Variants in DCAF8L2 observed in about 807,000 individuals in gnomAD.
The protein encoded by DCAF8L2 is DDB1 and CUL4 associated factor 8 like 2, also known as DDB1- and CUL4-associated factor 8-like protein 2.
For missense variants in DCAF8L2, 430 were observed against 490.7 expected (o/e 0.88, Z 1.17); for synonymous variants, 200 against 190.9 (o/e 1.05, Z -0.39).
At chrX:27,739,362 T>G (rs1921725011) in intron 4 of DCAF8L2, among the ~76,000 whole-genome samples, 1 of 111,892 alleles carries the variant, frequency 8.9e-6, no homozygotes, top group African/African-American at 3.3e-5. Context: ...TTGGCAATAT[T>G]TGGCACAGTC....
the DCAF8L2 span, among the ~76,000 whole-genome samples, chrX:27,565,860 G>C: frequency 9.0e-6 from 1 of 110,666 alleles, no homozygotes; most frequent in Non-Finnish European, 1.9e-5. Context: ...GACTTGGTGG[G>C]GCCGGGGGAT....
intron 3 of DCAF8L2, among the ~76,000 whole-genome samples, chrX:27,707,208 C>A (rs1931373067): frequency 9.0e-6 from 1 of 110,796 alleles, no homozygotes; most frequent in African/African-American, 3.3e-5. Context: ...GTGGTGATGG[C>A]TGCACAACTC....
chrX:27,696,627 A>G (rs1222479605), intron 3 of DCAF8L2, among the ~76,000 whole-genome samples: 1 of 112,341 alleles, frequency 8.9e-6, no homozygotes, highest in Admixed American at 9.5e-5. Context: ...AATTTAAGGC[A>G]TATAAACGTG....
chrX:27,575,122 A>G, the DCAF8L2 span, among the ~76,000 whole-genome samples: 190 of 111,563 alleles, frequency 1.7e-3, no homozygotes, highest in African/African-American at 5.8e-3. Flanking sequence ...GGGGCACTCG[A>G]CGGCCCCGGC....
At chrX:27,514,756 A>T in the DCAF8L2 span, among the ~76,000 whole-genome samples, 7 of 108,724 alleles carry the variant, frequency 6.4e-5, no homozygotes, top group African/African-American at 2.4e-4. Flanking sequence ...ACAATGGAGG[A>T]CATTACGTGA....
intron 1 of DCAF8L2, among the ~76,000 whole-genome samples, chrX:27,598,360 C>T (rs1225911350): frequency 9.0e-6 from 1 of 111,555 alleles, no homozygotes; most frequent in Non-Finnish European, 1.9e-5. Flanking sequence ...CCCCACCCAA[C>T]CCCCCCGAGG....
At chrX:27,563,746 A>G in the DCAF8L2 span, among the ~76,000 whole-genome samples, 1 of 112,519 alleles carries the variant, frequency 8.9e-6, no homozygotes, top group Non-Finnish European at 1.9e-5. Flanking sequence ...GACTTAATAC[A>G]AAGTAGTTTT....
intron 2 of DCAF8L2, among the ~76,000 whole-genome samples, chrX:27,670,846 A>G (rs1929928371): frequency 9.0e-6 from 1 of 111,315 alleles, no homozygotes; most frequent in Non-Finnish European, 1.9e-5. Context: ...CTCTGACATC[A>G]CTTCCCTTCC....
the DCAF8L2 span, among the ~76,000 whole-genome samples, chrX:27,514,313 A>ACACATATGTACC: frequency 1.4e-5 from 1 of 73,427 alleles, no homozygotes; most frequent in African/African-American, 7.0e-5. Flanking sequence ...ACATATGTGT[A>ACACATATGTACC]TATGGTAATT....
the DCAF8L2 span, among the ~76,000 whole-genome samples, chrX:27,535,127 C>T: frequency 8.9e-6 from 1 of 111,775 alleles, no homozygotes; most frequent in African/African-American, 3.3e-5. Context: ...GGCACTGGGA[C>T]TAGAGCGGTG....
the DCAF8L2 span, among the ~76,000 whole-genome samples, chrX:27,496,357 A>G: frequency 1.3e-4 from 14 of 111,937 alleles, no homozygotes; most frequent in Admixed American, 2.9e-4. Flanking sequence ...AACTTTTAGA[A>G]ATTATGTCGT....
the DCAF8L2 span, among the ~76,000 whole-genome samples, chrX:27,528,790 G>A: frequency 9.0e-6 from 1 of 110,692 alleles, no homozygotes; most frequent in Non-Finnish European, 1.9e-5. Flanking sequence ...AATAAACTGA[G>A]CGTCATTCAG....
chrX:27,625,706 C>A (rs1927976755), intron 1 of DCAF8L2, among the ~76,000 whole-genome samples: 1 of 111,743 alleles, frequency 8.9e-6, no homozygotes, highest in African/African-American at 3.3e-5. Context: ...ATGTTTTTTG[C>A]AGCAACGTGG....
the DCAF8L2 span, among the ~76,000 whole-genome samples, chrX:27,473,660 T>A: frequency 1.4e-4 from 16 of 110,960 alleles, no homozygotes. Flanking sequence ...ATTTTTTTTT[T>A]AATCTTCACA....
the DCAF8L2 span, among the ~76,000 whole-genome samples, chrX:27,528,754 C>T: frequency 9.0e-6 from 1 of 110,659 alleles, no homozygotes; most frequent in Non-Finnish European, 1.9e-5. Context: ...AACCTAGTGA[C>T]TACATTTAAC....
rs1931655135 is a variant in DCAF8L2, at chrX:27,715,213, A to G, written c.-142-875A>G. Reference sequence around the variant, plus strand: ...CGAGACCATCCTGGCTAACACAGTGAAACCCCGTCTCTACTAAAAATACAA... The same window carrying G: ...CGAGACCATCCTGGCTAACACAGTGGAACCCCGTCTCTACTAAAAATACAA... On this transcript the variant is annotated intron_variant, in intron 3 of 4. Coordinates refer to ENST00000451261, the MANE Select transcript of DCAF8L2 (RefSeq NM_001353450.2). Among the ~76,000 whole-genome samples, 3 of 110,106 alleles carry G rather than the reference A, an allele frequency of 2.7e-5. No homozygotes were observed. The South Asian group carries it at 1.2e-3, about 43-fold the overall frequency.
chrX:27,711,394 TGTAC>T (rs1296741464), intron 3 of DCAF8L2, among the ~76,000 whole-genome samples: 1 of 90,244 alleles, frequency 1.1e-5, no homozygotes, highest in African/African-American at 4.7e-5. Flanking sequence ...TGTGTGTGTG[TGTAC>T]GTGTGTGTGT....
At chrX:27,619,074 C>T (rs1055852436) in intron 1 of DCAF8L2, among the ~76,000 whole-genome samples, 1 of 108,862 alleles carries the variant, frequency 9.2e-6, no homozygotes, top group African/African-American at 3.3e-5. Context: ...ATTTACTTAC[C>T]TACCTATCCA....
the DCAF8L2 span, among the ~76,000 whole-genome samples, chrX:27,497,076 T>G: frequency 9.0e-6 from 1 of 111,622 alleles, no homozygotes. Flanking sequence ...GGAAGCTTCT[T>G]TGGGAGGGAG....
Sources: allele counts gnomAD v4.1 joint callset (sites outside exome capture counted in the v4.1 genomes callset), GRCh38; gene constraint gnomAD v4.1.1; transcripts MANE v1.5; gene names NCBI Gene and HGNC (gene_info 2026-07-23, HGNC 2026-07-21).